PRKX: variants seen among roughly 807,000 people sequenced by gnomAD.
PRKX encodes cAMP-dependent protein kinase catalytic subunit PRKX.
Under a neutral mutation model 22.0 loss-of-function variants are expected in PRKX, and 12 were observed. The ratio of observed to expected loss-of-function variants is 0.54; its 90% CI spans 0.35 to 0.88. The LOEUF (loss-of-function observed/expected upper bound fraction) is 0.88, where lower values mean the gene tolerates loss of function less well. Ranked by LOEUF, PRKX falls within the 40% of genes least tolerant of loss-of-function variation. The pLI is 0.01. For synonymous variants in PRKX, 134 were observed against 137.7 expected, an observed-to-expected ratio of 0.97 and a Z score of 0.19; for missense variants, 217 against 308.0, an observed-to-expected ratio of 0.70 and a Z score of 2.21.
chrX:3,632,814 T>C (rs1452232237), intron 4 of PRKX, among the ~76,000 whole-genome samples: 1 of 112,336 alleles, frequency 8.9e-6, no homozygotes, highest in Non-Finnish European at 1.9e-5. Context: ...ATTCTCATTA[T>C]ATGGCATTTG....
At chrX:3,697,648 G>T (rs774178857) in intron 1 of PRKX, among the ~76,000 whole-genome samples, 1 of 109,579 alleles carries the variant, frequency 9.1e-6, no homozygotes, top group Admixed American at 9.9e-5. Context: ...AGGCTCAGGC[G>T]ATCGTCCTGC....
intron 1 of PRKX, 147 bp downstream of exon 1, chrX:3,712,941 G>A: frequency 1.4e-6 from 1 of 699,076 alleles, no homozygotes; most frequent in Non-Finnish European, 1.9e-6. Flanking sequence ...CCGGGGCGCA[G>A]GTGCAGCCCC....
chrX:3,696,707 T>A lies in PRKX; in HGVS notation c.166+16381A>T, dbSNP rs184106203. 3.0e-3 allele frequency among the ~76,000 whole-genome samples: 342 copies of A among 112,445 alleles called. 3 individuals carry two copies. The highest frequency in any genetic ancestry group is 0.01 in the African/African-American group (321 of 31,025). ...AAATGGAATCATCATAAATTAGGGA[T>A]CTTCTTTATAAGACAGACTTTTTTT... On this transcript the variant is annotated intron_variant, in intron 1 of 8. Coordinates refer to ENST00000262848, the MANE Select transcript of PRKX (RefSeq NM_005044.5).
intron 2 of PRKX, among the ~76,000 whole-genome samples, chrX:3,655,712 CAG>C (rs1927466895): frequency 8.9e-6 from 1 of 111,931 alleles, no homozygotes; most frequent in Non-Finnish European, 1.9e-5. Flanking sequence ...TGGGTGTAAA[CAG>C]TGTTACCATA....
Position 3,689,354 on chromosome X carries a change from G to C in PRKX, c.167-14588C>G, listed in dbSNP as rs139661842. ...AAGTATAATGACCTTCTATTTTATA[G>C]ACAGGAAAAAAAGCTGTTAAAAAGT... is the stretch of plus-strand genomic sequence containing the variant. On this transcript the variant is annotated intron_variant, in intron 1 of 8. Transcript: ENST00000262848. Among the ~76,000 whole-genome samples, 86 of 112,370 alleles carry C rather than the reference G, an allele frequency of 7.7e-4. 1 individual carries two copies. The highest frequency in any genetic ancestry group is 2.7e-3 in the African/African-American group (84 of 30,983).
intron 1 of PRKX, among the ~76,000 whole-genome samples, chrX:3,676,327 G>A (rs1378243268): frequency 5.4e-5 from 6 of 111,485 alleles, no homozygotes; most frequent in African/African-American, 1.6e-4. Flanking sequence ...AAATCTCACC[G>A]ATCAATATTG....
At chrX:3,682,179 G>A (rs1456709403) in intron 1 of PRKX, among the ~76,000 whole-genome samples, 1 of 110,307 alleles carries the variant, frequency 9.1e-6, no homozygotes, top group Non-Finnish European at 1.9e-5. Flanking sequence ...GCACATTCCC[G>A]GGAGTAGATT....
chrX:3,654,830 A>G (rs1237462750), intron 3 of PRKX, among the ~76,000 whole-genome samples: 2 of 110,706 alleles, frequency 1.8e-5, no homozygotes, highest in African/African-American at 6.6e-5. Context: ...TCTATTTTAT[A>G]GTCAGGGCAA....
At chrX:3,700,010 C>G (rs1366054525) in intron 1 of PRKX, among the ~76,000 whole-genome samples, 2 of 110,810 alleles carry the variant, frequency 1.8e-5, no homozygotes, top group Admixed American at 1.9e-4. Flanking sequence ...ACAGCACCAG[C>G]TGAGTAAGAG....
At chrX:3,631,956 G>A (rs1926792781) in intron 4 of PRKX, among the ~76,000 whole-genome samples, 1 of 112,202 alleles carries the variant, frequency 8.9e-6, no homozygotes, top group South Asian at 3.7e-4. Context: ...ACATTCATAC[G>A]TAGAACTACA....
At chrX:3,642,242 C>CA (rs757466441) in intron 3 of PRKX, among the ~76,000 whole-genome samples, 24 of 106,596 alleles carry the variant, frequency 2.3e-4, no homozygotes, top group Middle Eastern at 4.7e-3. Context: ...TACTCAGAAG[C>CA]AAAAAAAAAC....
intron 1 of PRKX, among the ~76,000 whole-genome samples, chrX:3,677,610 G>A (rs978823836): frequency 1.5e-4 from 17 of 111,402 alleles, no homozygotes; most frequent in African/African-American, 5.5e-4. Flanking sequence ...ACATGGTAAC[G>A]TGAAAAGAAA....
intron 2 of PRKX, among the ~76,000 whole-genome samples, chrX:3,662,998 T>A (rs868604609): frequency 8.9e-5 from 7 of 78,495 alleles, no homozygotes; most frequent in Non-Finnish European, 1.2e-4. Flanking sequence ...GCCCTGTCTT[T>A]AAAAAAAAAA....
chrX:3,680,900 G>C (rs1172961876), intron 1 of PRKX, among the ~76,000 whole-genome samples: 3 of 110,113 alleles, frequency 2.7e-5, no homozygotes, highest in African/African-American at 9.9e-5. Flanking sequence ...CAAAAACATA[G>C]AGATCTCATC....
intron 1 of PRKX, among the ~76,000 whole-genome samples, chrX:3,708,879 C>T (rs1928732590): frequency 9.3e-6 from 1 of 107,979 alleles, no homozygotes; most frequent in African/African-American, 3.4e-5. Flanking sequence ...CGAGCAAGAC[C>T]GAGGGGTGTT....
intron 3 of PRKX, among the ~76,000 whole-genome samples, chrX:3,643,291 T>A (rs1301408897): frequency 9.0e-6 from 1 of 111,408 alleles, no homozygotes; most frequent in Non-Finnish European, 1.9e-5. Context: ...GAATAAAAAA[T>A]CACTTTCTTT....
chrX:3,625,290 C>T (rs755291496), intron 5 of PRKX, among the ~76,000 whole-genome samples: 3 of 111,711 alleles, frequency 2.7e-5, no homozygotes, highest in South Asian at 7.8e-4. Flanking sequence ...CTCAACTGAA[C>T]GTAGCCAGTG....
chrX:3,682,304 C>A (rs1210089564), intron 1 of PRKX, among the ~76,000 whole-genome samples: 3 of 111,283 alleles, frequency 2.7e-5, no homozygotes, highest in Non-Finnish European at 3.8e-5. Flanking sequence ...CTAAACACAG[C>A]CAATCTCCCC....
At chrX:3,709,439 C>T (rs1440035449) in intron 1 of PRKX, among the ~76,000 whole-genome samples, 3 of 110,934 alleles carry the variant, frequency 2.7e-5, no homozygotes, top group Non-Finnish European at 5.7e-5. Context: ...GGACAGGTTC[C>T]GTCATTATTT....
Sources: gnomAD v4.1 joint callset for allele counts (sites outside exome capture counted in the v4.1 genomes callset) on GRCh38, gnomAD v4.1.1 for gene constraint, MANE v1.5 for transcripts, NCBI Gene and HGNC (gene_info 2026-07-23, HGNC 2026-07-21) for gene names.